Variants in LBP observed in about 807,000 individuals in gnomAD.
LBP encodes lipopolysaccharide-binding protein.
A neutral mutation model predicts 56.6 loss-of-function variants in LBP; 53 were observed. The observed-to-expected ratio is 0.94, with a 90% CI of 0.75 to 1.18. The LOEUF (loss-of-function observed/expected upper bound fraction) is 1.18, where lower values mean the gene tolerates loss of function less well. LBP is among the 50% of genes most tolerant of loss of function. LBP has a pLI of 0.00. For synonymous variants in LBP, 227 were observed against 247.5 expected, an observed-to-expected ratio of 0.92 and a Z score of 0.78; for missense variants, 601 against 598.3, an observed-to-expected ratio of 1.00 and a Z score of -0.05.
At chr20:38,376,506 T>C (rs2122632741) in intron 14 of LBP, 119 bp from the exon 15 acceptor site, 1 of 901,420 alleles carries the variant, frequency 1.1e-6, no homozygotes, top group Non-Finnish European at 1.8e-6. Flanking sequence ...ATTTATGCAC[T>C]GACCTGGATT....
At chr20:38,348,632 G>A (rs2076809187) in intron 1 of LBP, among the ~76,000 whole-genome samples, 1 of 151,872 alleles carries the variant, frequency 6.6e-6, no homozygotes, top group Admixed American at 6.6e-5. Flanking sequence ...AACCCTATTT[G>A]CTGTTCCAGG....
chr20:38,366,950 A>G, intron 9 of LBP, 122 bp downstream of exon 9: 1 of 889,654 alleles, frequency 1.1e-6, no homozygotes, highest in Non-Finnish European at 1.9e-6. Flanking sequence ...TGAGACTCCC[A>G]CTGAAGGCTG....
At position 38,376,787 on chromosome 20, in the gene LBP, G is replaced by A. The variant is rs962009788; in HGVS notation, c.*118G>A. On this transcript the variant is annotated 3_prime_UTR_variant, in exon 15 of 15. Transcript: ENST00000217407. Reference sequence around the variant, plus strand: ...GACATTTCTGCTCTCAGCTCCGGGGGTGAGGTGTGCCTGGCCTCTGCCTCC... The same window carrying A: ...GACATTTCTGCTCTCAGCTCCGGGGATGAGGTGTGCCTGGCCTCTGCCTCC... The A allele has an allele frequency of 4.9e-6, 5 of 1,030,040 alleles. No individual in the cohort carries two copies. Among genetic ancestry groups the A allele is most frequent in the Admixed American group, 3.4e-5 (2 of 58,460 alleles). 63.8% of individuals were successfully genotyped at this position (1,030,040 alleles called of 1,614,324 possible).
rs1391516600 is a variant in LBP at position 38,376,723 on chromosome 20, C to T, written c.*54C>T. On this transcript the variant is annotated 3_prime_UTR_variant, in exon 15 of 15. Transcript: ENST00000217407. ...CAGCTGGATCTGCTTGTTGCATTTC[C>T]AGCTGTGCAGCACGTCTCAGAGATT... 6.7e-7 allele frequency: 1 copy of T among 1,485,194 alleles called. No individual in the cohort carries two copies. The highest frequency in any genetic ancestry group is 2.3e-5 in the East Asian group (1 of 44,286). The allele number at this position is 1,485,194 out of a possible 1,614,324, so 92.0% of individuals were successfully genotyped here. A position where few individuals can be genotyped will look rare whatever the true frequency, so the allele number is the denominator to read the frequency against.
At chr20:38,372,253 T>C (rs2076903235) in intron 12 of LBP, among the ~76,000 whole-genome samples, 1 of 152,144 alleles carries the variant, frequency 6.6e-6, no homozygotes, top group South Asian at 2.1e-4. Flanking sequence ...GATGCTGGCC[T>C]CCACTGACCA....
intron 4 of LBP, 42 bp downstream of exon 4, chr20:38,354,481 C>T (rs774311066): frequency 1.9e-6 from 3 of 1,568,804 alleles, no homozygotes; most frequent in African/African-American, 1.4e-5. Flanking sequence ...CTCCTGGTTG[C>T]AGCTCCCGGC....
intron 10 of LBP, among the ~76,000 whole-genome samples, 198 bp downstream of exon 10, chr20:38,369,360 A>G (rs548032058): frequency 7.3e-5 from 11 of 151,648 alleles, no homozygotes; most frequent in Admixed American, 4.6e-4. Flanking sequence ...TTCTTGTAAC[A>G]CCCCATTATC....
chr20:38,368,878 T>C (rs546360038), intron 9 of LBP, 117 bp from the exon 10 acceptor site: 37 of 1,043,210 alleles, frequency 3.5e-5, no homozygotes, highest in Non-Finnish European at 5.0e-5. Flanking sequence ...ACAGAGAATT[T>C]TGTTGGAAAT....
At chr20:38,370,210 C>A (rs1271543414) in intron 10 of LBP, among the ~76,000 whole-genome samples, 1 of 151,754 alleles carries the variant, frequency 6.6e-6, no homozygotes, top group South Asian at 2.1e-4. Flanking sequence ...TCCATTGCTA[C>A]AAAAAAGAAA....
chr20:38,352,575 T>C (rs943246578), intron 3 of LBP, among the ~76,000 whole-genome samples: 1 of 152,090 alleles, frequency 6.6e-6, no homozygotes, highest in Non-Finnish European at 1.5e-5. Context: ...GTCAACATGG[T>C]GAAACCCCAT....
chr20:38,358,892 G>C (rs1028380255), intron 5 of LBP, among the ~76,000 whole-genome samples: 1 of 152,158 alleles, frequency 6.6e-6, no homozygotes, highest in Non-Finnish European at 1.5e-5. Flanking sequence ...AAATATTGAC[G>C]TATGAACCCA....
At chr20:38,351,850 G>A (rs1055840141) in intron 3 of LBP, among the ~76,000 whole-genome samples, 4 of 151,918 alleles carry the variant, frequency 2.6e-5, no homozygotes, top group Admixed American at 2.0e-4. Context: ...GCAAAAATCA[G>A]TCTCTACTAA....
chr20:38,350,283 G>A (rs2076815940), intron 2 of LBP, among the ~76,000 whole-genome samples: 2 of 151,996 alleles, frequency 1.3e-5, no homozygotes, highest in Non-Finnish European at 2.9e-5. Context: ...AAATCTATTG[G>A]GCACCTACTA....
intron 8 of LBP, 80 bp downstream of exon 8, chr20:38,364,832 A>C (rs2076875103): frequency 1.6e-6 from 2 of 1,287,494 alleles, no homozygotes. Context: ...ACCCCTGTTG[A>C]CATCAGTCAA....
chr20:38,371,400 A>G (rs1324245301), intron 12 of LBP, 78 bp downstream of exon 12: 1 of 1,045,116 alleles, frequency 9.6e-7, no homozygotes. Context: ...TATGGCACCT[A>G]TAATAGGAAA....
chr20:38,371,434 T>C, intron 12 of LBP, 112 bp downstream of exon 12: 1 of 828,566 alleles, frequency 1.2e-6, no homozygotes, highest in South Asian at 1.7e-5. Context: ...GAGTTGATTT[T>C]TTGCCCTGCA....
rs2076891351 is a variant in LBP at position 38,368,804 on chromosome 20, A to G, written c.982-191A>G. On this transcript the variant is annotated intron_variant, in intron 9 of 14. Transcript: ENST00000217407. ...ACGAAATACAACACAGCCGTGAAAT[A>G]GATGGTGCAGACTCTGTGTCTGACA... Among the ~76,000 whole-genome samples the G allele has an allele frequency of 2.0e-5, 3 of 152,212 alleles. No homozygotes were observed. In the South Asian group the frequency reaches 6.2e-4, roughly 31 times the overall value.
At chr20:38,367,196 G>A (rs918884063) in intron 9 of LBP, among the ~76,000 whole-genome samples, 3 of 152,174 alleles carry the variant, frequency 2.0e-5, no homozygotes, top group Non-Finnish European at 2.9e-5. Context: ...GCTCATGCCT[G>A]TAATCCCAGC....
rs758690396 is a variant in LBP, at chr20:38,376,621, C to T, written c.1402-4C>T. The T allele has an allele frequency of 6.8e-6, 11 of 1,613,634 alleles. No individual in the cohort carries two copies. The highest frequency in any genetic ancestry group is 1.6e-4 in the Middle Eastern group (1 of 6,082). ...ACCATCCTGTCCTGTCCTGTTTTTC[C>T]TAGGACTTCCTGTTCTTGGGTGCCA... On this transcript the variant is annotated splice_polypyrimidine_tract_variant and splice_region_variant and intron_variant, in intron 14 of 14. Transcript: ENST00000217407.
Sources: allele counts gnomAD v4.1 joint callset (sites outside exome capture counted in the v4.1 genomes callset), GRCh38; gene constraint gnomAD v4.1.1; transcripts MANE v1.5; gene names NCBI Gene and HGNC (gene_info 2026-07-23, HGNC 2026-07-21).